Variants in DPP10 observed in about 807,000 individuals in gnomAD.
The protein encoded by DPP10 is inactive dipeptidyl peptidase 10.
In DPP10, 33 loss-of-function variants were observed where a neutral mutation model predicts 120.9. That is an observed-to-expected ratio of 0.27 (90% CI 0.21 to 0.37). The LOEUF is 0.37. Among genes scored for constraint, DPP10 ranks in the 10% least tolerant of loss-of-function variants. DPP10 has a pLI of 1.00. For synonymous variants in DPP10, 337 were observed against 326.1 expected, an observed-to-expected ratio of 1.03 and a Z score of -0.36; for missense variants, 816 against 942.8, an observed-to-expected ratio of 0.87 and a Z score of 1.76.
In DPP10 at chr2:115,499,541, A is replaced by G. The variant is rs202131701; in HGVS notation, c.303A>G (p.Gly101=). 8 of 1,611,966 alleles carry G rather than the reference A, an allele frequency of 5.0e-6. No individual in the cohort carries two copies. The South Asian group carries it at 7.7e-5, about 16-fold the overall frequency. ...ATGTGGTGTATAAAAGCGAGAATGGACATGTCATTAAACTGAATATAGAAA... is the reference window on the plus strand; with the variant it reads ...ATGTGGTGTATAAAAGCGAGAATGGGCATGTCATTAAACTGAATATAGAAA... ...DTDVVYKSEN[G]HVIKLNIETN... is the part of the protein sequence containing the mutation. The change falls in exon 4 of 26, where the codon GGA becomes GGG. Residue 101 remains glycine (G), a synonymous_variant. Transcript: ENST00000410059.
intron 1 of DPP10, among the ~76,000 whole-genome samples, chr2:114,928,997 T>G (rs1695855147): frequency 6.6e-6 from 1 of 152,114 alleles, no homozygotes; most frequent in Non-Finnish European, 1.5e-5. Context: ...TCAGCTGGTC[T>G]GAGAAATAAA....
chr2:115,088,069 A>G (rs1025122213), intron 1 of DPP10, among the ~76,000 whole-genome samples: 8 of 152,148 alleles, frequency 5.3e-5, no homozygotes, highest in African/African-American at 1.7e-4. Flanking sequence ...TGGTTTATAG[A>G]TGGTGCTTTT....
intron 1 of DPP10, among the ~76,000 whole-genome samples, chr2:115,122,161 T>A (rs1273568626): frequency 6.6e-6 from 1 of 152,200 alleles, no homozygotes; most frequent in South Asian, 2.1e-4. Context: ...AATGAACCAG[T>A]GCTTACTGGG....
intron 1 of DPP10, among the ~76,000 whole-genome samples, chr2:114,978,894 A>T (rs952377803): frequency 1.8e-4 from 27 of 152,120 alleles, no homozygotes; most frequent in African/African-American, 6.3e-4. Context: ...TCCTTCTGTA[A>T]TTCCTATCCC....
At chr2:115,393,708 AT>A (rs1194946634) in intron 3 of DPP10, among the ~76,000 whole-genome samples, 1 of 152,180 alleles carries the variant, frequency 6.6e-6, no homozygotes, top group African/African-American at 2.4e-5. Flanking sequence ...GCAGAAATTT[AT>A]TTGTTTTTGC....
At chr2:115,631,037 C>CTTTTTTTTT (rs58468918) in intron 5 of DPP10, among the ~76,000 whole-genome samples, 7 of 111,350 alleles carry the variant, frequency 6.3e-5, no homozygotes, top group African/African-American at 1.4e-4. Context: ...TGATCCTGGG[C>CTTTTTTTTT]TTTTTTTTTT....
intron 7 of DPP10, among the ~76,000 whole-genome samples, chr2:115,723,915 A>G (rs1484490836): frequency 3.3e-5 from 5 of 152,186 alleles, no homozygotes; most frequent in Non-Finnish European, 7.4e-5. Context: ...ATTATAATGC[A>G]TGGAGATTTT....
intron 1 of DPP10, among the ~76,000 whole-genome samples, chr2:114,897,014 C>T (rs1429003091): frequency 5.3e-5 from 8 of 152,046 alleles, no homozygotes; most frequent in South Asian, 2.1e-4. Context: ...TTGTCTTTGG[C>T]TCTGTTTATA....
intron 1 of DPP10, among the ~76,000 whole-genome samples, chr2:115,203,906 T>A (rs1352386716): frequency 6.6e-6 from 1 of 152,196 alleles, no homozygotes; most frequent in East Asian, 1.9e-4. Context: ...AATTTTCATA[T>A]TAAAGTAACT....
intron 5 of DPP10, among the ~76,000 whole-genome samples, chr2:115,596,049 TGCCTTACCCTTTCCTGCATA>T (rs1327711616): frequency 6.6e-6 from 1 of 152,188 alleles, no homozygotes; most frequent in Non-Finnish European, 1.5e-5. Context: ...CTGCAGATAA[TGCCTTACCCTTTCCTGCATA>T]GCCAGGAGGC....
chr2:115,294,047 C>T (rs936207160), intron 1 of DPP10, among the ~76,000 whole-genome samples: 2 of 152,084 alleles, frequency 1.3e-5, no homozygotes, highest in Admixed American at 1.3e-4. Context: ...TCATTCCTAC[C>T]TGATTCAATG....
At chr2:115,534,174 T>G (rs765074027) in intron 5 of DPP10, among the ~76,000 whole-genome samples, 161 of 152,174 alleles carry the variant, frequency 1.1e-3, no homozygotes, top group Non-Finnish European at 1.9e-3. Context: ...GTTAGTTACA[T>G]ACGTATACAT....
chr2:115,475,326 G>C (rs2075005471), intron 3 of DPP10, among the ~76,000 whole-genome samples: 2 of 152,206 alleles, frequency 1.3e-5, no homozygotes, highest in Admixed American at 1.3e-4. Flanking sequence ...CACTTCAGAG[G>C]ATGCAAACTG....
intron 21 of DPP10, among the ~76,000 whole-genome samples, chr2:115,817,455 A>AGAAATGAGT (rs1687370140): frequency 6.6e-6 from 1 of 152,176 alleles, no homozygotes; most frequent in Admixed American, 6.5e-5. Context: ...TGGGTGTATA[A>AGAAATGAGT]AAAACCACTT....
chr2:114,857,444 A>T (rs2106513423), intron 1 of DPP10, among the ~76,000 whole-genome samples: 1 of 152,158 alleles, frequency 6.6e-6, no homozygotes, highest in Admixed American at 6.5e-5. Flanking sequence ...GCCATATAAG[A>T]TATTGGTTCA....
chr2:114,447,865 G>C (rs1354920990), intron 1 of DPP10, among the ~76,000 whole-genome samples: 1 of 152,174 alleles, frequency 6.6e-6, no homozygotes, highest in African/African-American at 2.4e-5. Flanking sequence ...TTATGTGTGT[G>C]AGAGAAAACT....
intron 1 of DPP10, among the ~76,000 whole-genome samples, chr2:114,923,430 G>A (rs1167061015): frequency 6.9e-6 from 1 of 145,936 alleles, no homozygotes; most frequent in Non-Finnish European, 1.5e-5. Flanking sequence ...CTCCCAAAGT[G>A]CTGGGATTAC....
chr2:114,772,533 C>T (rs557470100), intron 1 of DPP10, among the ~76,000 whole-genome samples: 1 of 152,222 alleles, frequency 6.6e-6, no homozygotes, highest in South Asian at 2.1e-4. Flanking sequence ...GAGAAGGATG[C>T]ACATACCTAA....
intron 3 of DPP10, among the ~76,000 whole-genome samples, chr2:115,411,181 C>T (rs1360392433): frequency 6.6e-6 from 1 of 151,756 alleles, no homozygotes; most frequent in Non-Finnish European, 1.5e-5. Context: ...AAATATAAAA[C>T]ATTAGCCGGG....
Sources: allele counts gnomAD v4.1 joint callset (sites outside exome capture counted in the v4.1 genomes callset), GRCh38; gene constraint gnomAD v4.1.1; transcripts MANE v1.5; gene names NCBI Gene and HGNC (gene_info 2026-07-23, HGNC 2026-07-21).